The following CEP72 variants were observed in gnomAD, a reference collection of about 807,000 sequenced individuals.
CEP72 encodes the protein centrosomal protein of 72 kDa.
In CEP72, 78 loss-of-function variants were observed where a neutral mutation model predicts 65.7. The ratio of observed to expected loss-of-function variants is 1.19; its 90% CI spans 0.99 to 1.43. The LOEUF (loss-of-function observed/expected upper bound fraction) is 1.43. CEP72 is among the 40% of genes most tolerant of loss of function. The probability of loss-of-function intolerance (pLI) is 0.00; values close to 1 mark genes in which losing one functional copy is unlikely to be tolerated. For synonymous variants in CEP72, 358 were observed against 351.7 expected, an observed-to-expected ratio of 1.02 and a Z score of -0.20; for missense variants, 914 against 832.9, an observed-to-expected ratio of 1.10 and a Z score of -1.20.
chr5:628,750 TGCAGTC>T, intron 4 of CEP72, among the ~76,000 whole-genome samples: 1 of 92,268 alleles, frequency 1.1e-5, no homozygotes, highest in South Asian at 3.6e-4. Context: ...GAACTCAGGT[TGCAGTC>T]CCCGGGGAGT....
chr5:658,063 A>T (rs780487835), downstream of CEP72, among the ~76,000 whole-genome samples: 4 of 152,228 alleles, frequency 2.6e-5, no homozygotes, highest in Non-Finnish European at 5.9e-5. Context: ...TAACACACAT[A>T]ATTTGAATGG....
At chr5:651,573 C>A (rs914863140) in intron 11 of CEP72, among the ~76,000 whole-genome samples, 1 of 151,948 alleles carries the variant, frequency 6.6e-6, no homozygotes, top group Admixed American at 6.6e-5. Flanking sequence ...CACCTTTACT[C>A]CCTGGCTATA....
chr5:631,609 C>G (rs1737191510), intron 4 of CEP72, among the ~76,000 whole-genome samples: 1 of 41,506 alleles, frequency 2.4e-5, no homozygotes, highest in Non-Finnish European at 4.2e-5. Context: ...GGATTTGGAC[C>G]AGTCCTGGTG....
At chr5:671,680 C>G (rs1740229247), downstream of CEP72, among the ~76,000 whole-genome samples, 1 of 152,210 alleles carries the variant, frequency 6.6e-6, no homozygotes, top group African/African-American at 2.4e-5. Context: ...AACCCTCAGC[C>G]ACAGACGTCC....
At chr5:643,774 A>G in intron 9 of CEP72, 2 of 499,224 alleles carry the variant, frequency 4.0e-6, no homozygotes, top group Non-Finnish European at 5.2e-6. Flanking sequence ...GCTGCCGTGT[A>G]GCTGCAGGCG....
Position 637,722 on chromosome 5 carries a change from G to A in CEP72, c.1110G>A (p.Gln370=). The part of the protein sequence containing the change: ...SSVPKESLSR[Q]DSSESRNGRT... ...TGCCCAAGGAGAGCCTGAGCAGACAGGACAGCTCAGAAAGCAGGAACGGGA... is the reference window on the plus strand; with the variant it reads ...TGCCCAAGGAGAGCCTGAGCAGACAAGACAGCTCAGAAAGCAGGAACGGGA... Residue 370 remains glutamine (Q), a synonymous_variant, in exon 7 of 12, where the codon CAG becomes CAA. Transcript: ENST00000264935. The A allele has an allele frequency of 6.2e-7, 1 of 1,613,568 alleles. No homozygotes were observed. The highest frequency in any genetic ancestry group is 1.1e-5 in the South Asian group (1 of 91,064).
At chr5:615,499 T>C (rs1385193279) in intron 1 of CEP72, among the ~76,000 whole-genome samples, 1 of 152,216 alleles carries the variant, frequency 6.6e-6, no homozygotes, top group Admixed American at 6.5e-5. Flanking sequence ...TTACTGTTGT[T>C]ACGGTAGCTT....
At chr5:652,716 C>T (rs1580047632) in intron 11 of CEP72, among the ~76,000 whole-genome samples, 1 of 152,254 alleles carries the variant, frequency 6.6e-6, no homozygotes, top group African/African-American at 2.4e-5. Flanking sequence ...TTCAGTCACT[C>T]ATTAGCCTGT....
chr5:652,945 GA>G (rs1561067685), intron 11 of CEP72, 42 bp from the exon 12 acceptor site: 1 of 1,545,294 alleles, frequency 6.5e-7, no homozygotes, highest in East Asian at 2.3e-5. Flanking sequence ...CACCGCTGGA[GA>G]GGACGGAAGT....
the CEP72 span, among the ~76,000 whole-genome samples, chr5:675,487 T>TGCAGTGTGGCCGGGGGG: frequency 1.1e-5 from 1 of 92,638 alleles, no homozygotes; most frequent in Non-Finnish European, 2.1e-5. Context: ...TGGCCAGGGG[T>TGCAGTGTGGCCGGGGGG]ACATTGTGGC....
intron 9 of CEP72, chr5:642,080 T>G (rs1436208242): frequency 6.1e-6 from 6 of 976,770 alleles, no homozygotes; most frequent in Non-Finnish European, 6.0e-6. Flanking sequence ...GCACACGTGG[T>G]CCCCCGTCCA....
At chr5:654,184 GTACTAGCTGTGTGTGCA>G (rs1739293845), downstream of CEP72, among the ~76,000 whole-genome samples, 1 of 148,748 alleles carries the variant, frequency 6.7e-6, no homozygotes, top group Non-Finnish European at 1.5e-5. Flanking sequence ...CTTGCTCTGT[GTACTAGCTGTGTGTGCA>G]TGCTAGCTGT....
intron 10 of CEP72, among the ~76,000 whole-genome samples, chr5:646,545 C>T (rs942839304): frequency 5.3e-4 from 81 of 152,166 alleles, no homozygotes; most frequent in Non-Finnish European, 5.7e-4. Flanking sequence ...CTCCACCCTT[C>T]TCTGATGCCG....
chr5:670,546 C>G (rs1324875387), downstream of CEP72, among the ~76,000 whole-genome samples: 2 of 152,094 alleles, frequency 1.3e-5, no homozygotes, highest in Non-Finnish European at 2.9e-5. Context: ...GACTCCCTGG[C>G]TGCTGGGCCC....
At chr5:615,093 CT>C (rs1735906831) in intron 1 of CEP72, among the ~76,000 whole-genome samples, 1 of 146,466 alleles carries the variant, frequency 6.8e-6, no homozygotes. Flanking sequence ...ATTTTTATAC[CT>C]TCTTAGTGGA....
At chr5:655,961 T>C (rs1490918459), downstream of CEP72, among the ~76,000 whole-genome samples, 1 of 152,234 alleles carries the variant, frequency 6.6e-6, no homozygotes, top group Non-Finnish European at 1.5e-5. This position sits in a 1 kb window ranked among gnomAD's most constrained non-coding sequence, Gnocchi z 5.0. Context: ...TTAAAGCATT[T>C]TGGATCCTAA....
rs1029715012 is a variant in CEP72, at chr5:645,963, G to T, written c.1666+1538G>T. 6.6e-6 allele frequency among the ~76,000 whole-genome samples: 1 copy of T among 151,816 alleles called. No homozygotes were observed. The highest frequency in any genetic ancestry group is 1.5e-5 in the Non-Finnish European group (1 of 67,936). Reference sequence around the variant, plus strand: ...GAGCGTCACTCCTGCTCCCGTTGGCGCCCTGTGTGGATGGTGAATTCGGCT... The same window carrying T: ...GAGCGTCACTCCTGCTCCCGTTGGCTCCCTGTGTGGATGGTGAATTCGGCT... On this transcript the variant is annotated intron_variant, in intron 10 of 11. Transcript: ENST00000264935. This position sits in a 1 kb window ranked among gnomAD's most constrained non-coding sequence, Gnocchi z 4.0.
At chr5:649,106 G>GACTGT (rs1561062484) in intron 11 of CEP72, among the ~76,000 whole-genome samples, 5,390 of 79,930 alleles carry the variant, frequency 0.067, no homozygotes, top group East Asian at 0.094. Flanking sequence ...TGTGAGGTGT[G>GACTGT]GACTGTGAGG....
chr5:619,075 G>C lies in CEP72; in HGVS notation c.168G>C (p.Leu56=). Residue 56 remains leucine, a synonymous_variant, in exon 2 of 12, where the codon CTG becomes CTC. Coordinates refer to ENST00000264935, the MANE Select transcript of CEP72 (RefSeq NM_018140.4). ...ATTCTCTGATGAGTTTAACAGGTCT[G>C]AAATCTTTGGATCTCTCGCGCAACT... The part of the protein sequence containing the change: ...LGHSLMSLTG[L]KSLDLSRNSL... 1 of 1,613,964 alleles carries C rather than the reference G, an allele frequency of 6.2e-7. No homozygotes were observed. Among genetic ancestry groups the C allele is most frequent in the Non-Finnish European group, 8.5e-7 (1 of 1,179,836 alleles).
Sources: allele counts gnomAD v4.1 joint callset (sites outside exome capture counted in the v4.1 genomes callset), GRCh38; gene constraint gnomAD v4.1.1; non-coding constraint Gnocchi (gnomAD v3.1); transcripts MANE v1.5; gene names NCBI Gene and HGNC (gene_info 2026-07-23, HGNC 2026-07-21).